RBP2: variants seen among roughly 807,000 people sequenced by gnomAD.
RBP2 encodes retinol-binding protein 2.
RBP2 carries 17 observed loss-of-function variants against 17.0 expected under a neutral mutation model. That is an observed-to-expected ratio of 1.00 (90% CI 0.68 to 1.50). RBP2 has a LOEUF of 1.50. Ranked by LOEUF, RBP2 falls within the 40% of genes most tolerant of loss-of-function variation. The probability of loss-of-function intolerance (pLI) is 0.00; values close to 1 mark genes in which losing one functional copy is unlikely to be tolerated. For synonymous variants in RBP2, 48 were observed against 57.1 expected, an observed-to-expected ratio of 0.84 and a Z score of 0.72; for missense variants, 158 against 168.2, an observed-to-expected ratio of 0.94 and a Z score of 0.33.
At chr3:139,456,735 AT>A (rs903371526) in intron 2 of RBP2, among the ~76,000 whole-genome samples, 3 of 152,016 alleles carry the variant, frequency 2.0e-5, no homozygotes, top group African/African-American at 4.8e-5. Context: ...TTACTTTTTG[AT>A]TTTTTTTAAC....
chr3:139,462,974 C>A (rs535616786), intron 1 of RBP2, among the ~76,000 whole-genome samples: 2 of 152,196 alleles, frequency 1.3e-5, no homozygotes, highest in East Asian at 3.9e-4. Context: ...GCTGGGACAG[C>A]AGGTGCACAC....
chr3:139,469,604 A>G (rs1669509612), intron 1 of RBP2, among the ~76,000 whole-genome samples: 1 of 152,134 alleles, frequency 6.6e-6, no homozygotes, highest in South Asian at 2.1e-4. Context: ...TTGACTTGTG[A>G]GCACCATCAG....
intron 2 of RBP2, among the ~76,000 whole-genome samples, chr3:139,457,754 A>G (rs1054281496): frequency 6.6e-6 from 1 of 152,180 alleles, no homozygotes; most frequent in Non-Finnish European, 1.5e-5. Flanking sequence ...GGAAATGGAA[A>G]CAAGTGAGGA....
At chr3:139,468,308 C>A (rs896291583) in intron 1 of RBP2, among the ~76,000 whole-genome samples, 1 of 152,148 alleles carries the variant, frequency 6.6e-6, no homozygotes, top group Non-Finnish European at 1.5e-5. Flanking sequence ...CTAACACCTC[C>A]GCTCCCCAGT....
chr3:139,472,169 A>T (rs887476156), intron 1 of RBP2, among the ~76,000 whole-genome samples: 3 of 151,652 alleles, frequency 2.0e-5, no homozygotes, highest in Admixed American at 1.3e-4. Context: ...GCCTTTACTG[A>T]CTCCATGTAC....
intron 1 of RBP2, among the ~76,000 whole-genome samples, chr3:139,462,598 C>CACAT (rs1553721838): frequency 6.6e-6 from 1 of 150,448 alleles, no homozygotes; most frequent in Admixed American, 6.6e-5. Context: ...CACACACACA[C>CACAT]GTCACAGCAG....
At chr3:139,475,601 TA>T (rs1933713974) in intron 1 of RBP2, among the ~76,000 whole-genome samples, 1 of 152,110 alleles carries the variant, frequency 6.6e-6, no homozygotes, top group African/African-American at 2.4e-5. Context: ...ACTTTAAAGC[TA>T]GAAGAGGTGA....
At chr3:139,476,355 G>A in intron 1 of RBP2, 32 bp downstream of exon 1, 1 of 1,595,916 alleles carries the variant, frequency 6.3e-7, no homozygotes, top group Non-Finnish European at 8.6e-7. Context: ...CCCAACAACA[G>A]CTACCCTCCC....
At chr3:139,453,234 C>T (rs956127979) in intron 3 of RBP2, 68 bp from the exon 4 acceptor site, 3 of 1,574,012 alleles carry the variant, frequency 1.9e-6, no homozygotes, top group Non-Finnish European at 1.7e-6. Context: ...CCTCAGCCCC[C>T]TTGGTATCTG....
chr3:139,468,674 G>GCACACA (rs3836323), intron 1 of RBP2, among the ~76,000 whole-genome samples: 1 of 150,620 alleles, frequency 6.6e-6, no homozygotes, highest in African/African-American at 2.4e-5. Context: ...ACACACACAT[G>GCACACA]CACACACACA....
At chr3:139,474,912 T>A (rs1279370762) in intron 1 of RBP2, among the ~76,000 whole-genome samples, 13 of 152,108 alleles carry the variant, frequency 8.5e-5, no homozygotes, top group African/African-American at 2.9e-4. Flanking sequence ...GGGTTGAGGA[T>A]GGGGCTCTGG....
intron 2 of RBP2, 83 bp from the exon 3 acceptor site, chr3:139,454,913 A>T: frequency 7.4e-7 from 1 of 1,349,546 alleles, no homozygotes; most frequent in Non-Finnish European, 1.1e-6. Context: ...CAATTCCTGC[A>T]GCCATTTCAG....
At chr3:139,469,561 C>T (rs559384578) in intron 1 of RBP2, among the ~76,000 whole-genome samples, 5 of 152,222 alleles carry the variant, frequency 3.3e-5, no homozygotes, top group African/African-American at 1.2e-4. Context: ...CCATATGGTT[C>T]AAGTAGAGAC....
intron 1 of RBP2, among the ~76,000 whole-genome samples, chr3:139,475,945 C>CG (rs1418937972): frequency 1.3e-5 from 2 of 152,144 alleles, no homozygotes; most frequent in Admixed American, 6.5e-5. Context: ...GAGAGATTTG[C>CG]TAGCTATTTC....
At chr3:139,475,206 GC>G (rs1262927372) in intron 1 of RBP2, among the ~76,000 whole-genome samples, 1 of 151,386 alleles carries the variant, frequency 6.6e-6, no homozygotes, top group Admixed American at 6.6e-5. Flanking sequence ...TGTAGTCCCA[GC>G]TACTCTGGAG....
intron 1 of RBP2, among the ~76,000 whole-genome samples, chr3:139,464,351 G>A (rs778912966): frequency 6.6e-6 from 1 of 152,114 alleles, no homozygotes; most frequent in African/African-American, 2.4e-5. Flanking sequence ...CTAGCTACTC[G>A]GGAGGCTGAG....
In RBP2 at chr3:139,476,440, C is replaced by G; in HGVS notation, c.20G>C (p.Gly7Ala). 1 of 1,613,968 alleles carries G rather than the reference C, an allele frequency of 6.2e-7. No individual in the cohort carries two copies. The highest frequency in any genetic ancestry group is 8.5e-7 in the Non-Finnish European group (1 of 1,179,976). Residue 7 changes from glycine (G) to alanine (A), a missense_variant, in exon 1 of 4, where the codon GGA becomes GCA. Transcript: ENST00000232217. ...TTCATTACTCTCCATCTCCCAGGTT[C>G]CATTCTGGTCCCTTGTCATGGTGGT... MTRDQN[G>A]TWEMESNENF...
At chr3:139,473,789 C>T (rs1028253709) in intron 1 of RBP2, among the ~76,000 whole-genome samples, 13 of 152,154 alleles carry the variant, frequency 8.5e-5, no homozygotes, top group East Asian at 1.9e-4. Context: ...CATGTTCCCA[C>T]GGCAGGTTGA....
chr3:139,466,666 C>T (rs1025491206), intron 1 of RBP2: 1 of 152,232 alleles, frequency 6.6e-6, no homozygotes, highest in Non-Finnish European at 1.5e-5. Context: ...TTAACTGCAT[C>T]ACCTTGTTGT....
Sources: gnomAD v4.1 joint callset for allele counts (sites outside exome capture counted in the v4.1 genomes callset) on GRCh38, gnomAD v4.1.1 for gene constraint, MANE v1.5 for transcripts, NCBI Gene and HGNC (gene_info 2026-07-23, HGNC 2026-07-21) for gene names.